PLD1: variants seen among roughly 807,000 people sequenced by gnomAD.
The protein encoded by PLD1 is choline phosphatase 1.
PLD1 carries 112 observed loss-of-function variants against 137.1 expected under a neutral mutation model. The observed-to-expected ratio is 0.82, with a 90% CI of 0.70 to 0.96. PLD1 has a LOEUF of 0.96. PLD1 is among the 40% of genes least tolerant of loss of function. PLD1 has a pLI of 0.00. For missense variants in PLD1, 1,321 were observed against 1,342.0 expected, an observed-to-expected ratio of 0.98 and a Z score of 0.24; for synonymous variants, 431 against 454.7, an observed-to-expected ratio of 0.95 and a Z score of 0.66.
chr3:171,618,713 A>AGTGTGTGTGTGT (rs529980104), intron 24 of PLD1, among the ~76,000 whole-genome samples: 1 of 134,738 alleles, frequency 7.4e-6, no homozygotes, highest in African/African-American at 3.0e-5. Context: ...AAATATTAAA[A>AGTGTGTGTGTGT]GTGTGTATGT....
intron 21 of PLD1, among the ~76,000 whole-genome samples, chr3:171,648,171 ATACAG>A (rs774180472): frequency 5.3e-5 from 8 of 152,210 alleles, no homozygotes; most frequent in Non-Finnish European, 1.2e-4. Flanking sequence ...TAATACTAGC[ATACAG>A]TATCTGTGAG....
At chr3:171,728,169 G>T (rs1718679245) in intron 6 of PLD1, among the ~76,000 whole-genome samples, 1 of 152,142 alleles carries the variant, frequency 6.6e-6, no homozygotes, top group African/African-American at 2.4e-5. Context: ...AATTAGCCAG[G>T]TGTGGTGGTG....
At chr3:171,742,373 G>A (rs2108273640) in intron 1 of PLD1, among the ~76,000 whole-genome samples, 1 of 152,278 alleles carries the variant, frequency 6.6e-6, no homozygotes, top group Non-Finnish European at 1.5e-5. Flanking sequence ...CTGTAGGCAT[G>A]TGCCACTACG....
At chr3:171,805,731 A>T (rs1161947731) in intron 1 of PLD1, among the ~76,000 whole-genome samples, 1 of 152,242 alleles carries the variant, frequency 6.6e-6, no homozygotes, top group East Asian at 1.9e-4. Context: ...CCTAAAAAAA[A>T]GTTTGTTAAG....
At chr3:171,681,660 C>T (rs796906362) in intron 16 of PLD1, among the ~76,000 whole-genome samples, 9 of 152,210 alleles carry the variant, frequency 5.9e-5, no homozygotes, top group African/African-American at 2.2e-4. Context: ...ACCTGTATTT[C>T]GTCTGTGGAT....
intron 1 of PLD1, among the ~76,000 whole-genome samples, chr3:171,762,882 G>A (rs1342931833): frequency 1.3e-5 from 2 of 152,188 alleles, no homozygotes; most frequent in African/African-American, 4.8e-5. Flanking sequence ...TTTAACATGT[G>A]TGAGAACATT....
chr3:171,609,614 A>T (rs1732498980), intron 25 of PLD1, among the ~76,000 whole-genome samples: 1 of 152,066 alleles, frequency 6.6e-6, no homozygotes, highest in Non-Finnish European at 1.5e-5. Flanking sequence ...AGCAACATGC[A>T]TGGAGTTGGA....
intron 24 of PLD1, among the ~76,000 whole-genome samples, chr3:171,614,438 G>A (rs1732926991): frequency 6.6e-6 from 1 of 152,178 alleles, no homozygotes; most frequent in Admixed American, 6.5e-5. Flanking sequence ...TATAGACCTT[G>A]TAGGGATATT....
chr3:171,608,086 G>A (rs1732349968), intron 25 of PLD1, among the ~76,000 whole-genome samples: 1 of 152,014 alleles, frequency 6.6e-6, no homozygotes, highest in Admixed American at 6.5e-5. Flanking sequence ...TTTGCCATTG[G>A]GGCAAAGTGA....
chr3:171,660,603 TTTA>T (rs930179199), intron 20 of PLD1, among the ~76,000 whole-genome samples: 8 of 143,544 alleles, frequency 5.6e-5, no homozygotes, highest in African/African-American at 2.3e-4. Flanking sequence ...TATTTTATTT[TTTA>T]TTTTTTTTAT....
chr3:171,620,654 A>G (rs1733516196), intron 23 of PLD1, 134 bp from the exon 24 acceptor site: 2 of 394,498 alleles, frequency 5.1e-6, no homozygotes, highest in East Asian at 3.9e-5. Flanking sequence ...TATGTTTTCT[A>G]TTTCAGAATT....
chr3:171,693,932 A>G lies in PLD1; in HGVS notation c.1228-1490T>C, dbSNP rs376186827. ...GAACTAAAACTTTTTGTAATGCTAT[A>G]CGATCTAACATAACATAGGAGTTAA... On this transcript the variant is annotated intron_variant, in intron 12 of 26. Transcript: ENST00000351298. 2.6e-5 allele frequency among the ~76,000 whole-genome samples: 4 copies of G among 152,320 alleles called. No homozygotes were observed. In the East Asian group the frequency reaches 5.8e-4, roughly 22 times the overall value.
At chr3:171,647,968 C>T (rs755306478) in intron 21 of PLD1, among the ~76,000 whole-genome samples, 11 of 152,102 alleles carry the variant, frequency 7.2e-5, no homozygotes, top group Non-Finnish European at 1.6e-4. Context: ...TAGAATCATA[C>T]AATACTTGTC....
chr3:171,609,345 T>G (rs1732459614), intron 25 of PLD1, among the ~76,000 whole-genome samples: 1 of 152,128 alleles, frequency 6.6e-6, no homozygotes, highest in African/African-American at 2.4e-5. Flanking sequence ...CTCAAAGAGC[T>G]AAATATAGAA....
chr3:171,631,384 G>A (rs1734645267), intron 23 of PLD1, among the ~76,000 whole-genome samples: 1 of 152,100 alleles, frequency 6.6e-6, no homozygotes, highest in Non-Finnish European at 1.5e-5. Context: ...AAGAGGGATA[G>A]CTAGAAGGAA....
intron 19 of PLD1, among the ~76,000 whole-genome samples, chr3:171,666,768 A>G (rs1419482012): frequency 6.6e-6 from 1 of 152,226 alleles, no homozygotes; most frequent in Non-Finnish European, 1.5e-5. Flanking sequence ...AATCTAATCT[A>G]TACTTTTCAA....
intron 21 of PLD1, among the ~76,000 whole-genome samples, chr3:171,656,178 T>TTATTTATTTATTTATG (rs1214176275): frequency 6.6e-6 from 1 of 151,538 alleles, no homozygotes; most frequent in African/African-American, 2.4e-5. Context: ...ATTTATTTAT[T>TTATTTATTTATTTATG]TATTTATTTT....
intron 1 of PLD1, among the ~76,000 whole-genome samples, chr3:171,794,460 T>C (rs1239363927): frequency 6.6e-6 from 1 of 152,210 alleles, no homozygotes; most frequent in Non-Finnish European, 1.5e-5. Context: ...TAATGTTGTG[T>C]TGTGCTTCTA....
chr3:171,608,893 C>T lies in PLD1; in HGVS notation c.2882+3386G>A, dbSNP rs1732421557. ...CAGGTGGGGAAAAAAAAGAAAAAAA[C>T]AGATTGATTTGATTAATAAGAATTG... On this transcript the variant is annotated intron_variant, in intron 25 of 26. Transcript: ENST00000351298. Among the ~76,000 whole-genome samples the T allele has an allele frequency of 1.3e-5, 2 of 151,920 alleles. 1 individual carries two copies. Among genetic ancestry groups the T allele is most frequent in the South Asian group, 4.1e-4 (2 of 4,820 alleles).
Sources: gnomAD v4.1 joint callset for allele counts (sites outside exome capture counted in the v4.1 genomes callset) on GRCh38, gnomAD v4.1.1 for gene constraint, MANE v1.5 for transcripts, NCBI Gene and HGNC (gene_info 2026-07-23, HGNC 2026-07-21) for gene names.